ARHGEF1: variants seen among roughly 807,000 people sequenced by gnomAD.
ARHGEF1 encodes the protein 115 kDa guanine nucleotide exchange factor.
In ARHGEF1, 40 loss-of-function variants were observed where a neutral mutation model predicts 119.7. The ratio of observed to expected loss-of-function variants is 0.33; its 90% confidence interval spans 0.26 to 0.44. The LOEUF is 0.44. Ranked by LOEUF, ARHGEF1 falls within the 20% of genes least tolerant of loss-of-function variation. The pLI, the probability that ARHGEF1 is intolerant of heterozygous loss-of-function variation, is 1.00. For synonymous variants in ARHGEF1, 494 were observed against 521.0 expected (o/e 0.95, Z 0.71); for missense variants, 976 against 1,268.3 (o/e 0.77, Z 3.50).
At position 41,892,816 on chromosome 19, in the gene ARHGEF1, C is replaced by T. The variant is rs529943853; in HGVS notation, c.581C>T (p.Ala194Val). The T allele has an allele frequency of 9.5e-6, 15 of 1,579,898 alleles. No individual in the cohort carries two copies. Among genetic ancestry groups the T allele is most frequent in the African/African-American group, 2.7e-5 (2 of 74,630 alleles). Residue 194 changes from alanine to valine, a missense_variant, in exon 7 of 29, where the codon GCG (alanine) becomes GTG (valine). By Grantham distance (64) the Ala-to-Val change is moderately conservative. Coordinates refer to ENST00000354532, the MANE Select transcript of ARHGEF1 (RefSeq NM_004706.4). The surrounding 1 kb of genome is among the most constrained non-coding windows in gnomAD (Gnocchi z 6.3). The part of the protein sequence containing the change: ...ASYEARERHV[A>V]ERLLMHLEEM... ...TACGAGGCCCGGGAGCGGCACGTGG[C>T]GGAGCGGCTGCTCATGCACCTGGAG...
Position 41,906,169 on chromosome 19 carries a change from T to C in ARHGEF1, c.2491+144T>C. ...TCCAAACCCACCCAGCCTGCACCAC[T>C]GTCCTGGGTGCCCACGTCCCTCTTC... On this transcript the variant is annotated intron_variant, in intron 26 of 28. Coordinates refer to ENST00000354532, the MANE Select transcript of ARHGEF1 (RefSeq NM_004706.4). This position sits in a 1 kb window ranked among gnomAD's most constrained non-coding sequence, Gnocchi z 4.5. 1.3e-6 allele frequency: 1 copy of C among 774,278 alleles called. No homozygotes were observed. Among genetic ancestry groups the C allele is most frequent in the Non-Finnish European group, 2.1e-6 (1 of 478,134 alleles). The allele number at this position is 774,278 out of a possible 1,614,324, so 48.0% of individuals were successfully genotyped here. A position where few individuals can be genotyped will look rare whatever the true frequency, so the allele number is the denominator to read the frequency against.
At chr19:41,908,174 G>A, downstream of ARHGEF1, 1 of 1,218,512 alleles carries the variant, frequency 8.2e-7, no homozygotes. The surrounding 1 kb of genome is among the most constrained non-coding windows in gnomAD (Gnocchi z 6.7). Flanking sequence ...ATCAAGGGCA[G>A]ACGGGCAGCC....
chr19:41,892,479 GATTC>G lies in ARHGEF1; in HGVS notation c.367+115_368-112del. ...TCCCATGCTCTGCTCGGACAGCCGA[GATTC>G]ATTCATTCCTTCTTGGCAGCGGCCT... On this transcript the variant is annotated intron_variant, in intron 6 of 28. Transcript: ENST00000354532. This position sits in a 1 kb window ranked among gnomAD's most constrained non-coding sequence, Gnocchi z 6.3. 1 of 1,593,416 alleles carries G rather than the reference GATTC, an allele frequency of 6.3e-7. No homozygotes were observed.
intron 18 of ARHGEF1, among the ~76,000 whole-genome samples, chr19:41,918,023 A>G (rs2074812460): frequency 6.6e-6 from 1 of 151,828 alleles, no homozygotes; most frequent in Admixed American, 6.6e-5. Context: ...AGGCACCAGG[A>G]GACCCTGTGC....
Position 41,902,313 on chromosome 19 carries a change from G to C in ARHGEF1, c.1454G>C (p.Ser485Thr). ...CGCCTGATGAAGCGGAGGCAGGAGAGTGGCTACCTCATCGAGGAGATCGGA... is the reference window on the plus strand; with the variant it reads ...CGCCTGATGAAGCGGAGGCAGGAGACTGGCTACCTCATCGAGGAGATCGGA... The part of the protein sequence containing the change: ...LDRLMKRRQE[S>T]GYLIEEIGDV... The change falls in exon 16 of 29, where the codon AGT becomes ACT. Residue 485 changes from serine to threonine, a missense_variant. Physicochemically the swap from Ser to Thr is moderately conservative, Grantham distance 58. Transcript: ENST00000354532. This position sits in a 1 kb window ranked among gnomAD's most constrained non-coding sequence, Gnocchi z 6.5. 6.2e-7 allele frequency: 1 copy of C among 1,614,180 alleles called. No homozygotes were observed. Among genetic ancestry groups the C allele is most frequent in the Non-Finnish European group, 8.5e-7 (1 of 1,180,048 alleles).
At chr19:41,929,032 GAGAC>G in intron 2 of ARHGEF1, 2 of 395,326 alleles carry the variant, frequency 5.1e-6, no homozygotes, top group Non-Finnish European at 1.0e-5. Flanking sequence ...ACCCTACAGA[GAGAC>G]AGACACAGAC....
At chr19:41,897,840 G>A (rs782624327) in intron 13 of ARHGEF1, 29 of 1,184,258 alleles carry the variant, frequency 2.4e-5, no homozygotes, top group Middle Eastern at 3.1e-4. Flanking sequence ...GTCTCTCCCC[G>A]TCTCTGTCCC....
intron 13 of ARHGEF1, chr19:41,897,102 C>A: frequency 2.7e-6 from 1 of 367,794 alleles, no homozygotes; most frequent in Middle Eastern, 8.6e-4. Context: ...TGCCCCCCAC[C>A]CCCCGCCTCG....
chr19:41,923,096 C>CGGT (rs782479421), exon 1 of ARHGEF1: 10 of 455,422 alleles, frequency 2.2e-5, no homozygotes, highest in African/African-American at 2.0e-4. Flanking sequence ...CCTCAGCACC[C>CGGT]CATCCTCACC....
Position 41,897,299 on chromosome 19 carries a change from G to A in ARHGEF1, c.1121+817G>A, listed in dbSNP as rs782015807. On this transcript the variant is annotated intron_variant, in intron 13 of 28. Coordinates refer to ENST00000354532, the MANE Select transcript of ARHGEF1 (RefSeq NM_004706.4). ...CATCTGGGCCCACCTCTGACCCTGT[G>A]CCCCTCTCTCCCCAGAAGGTGGAAG... 6.3e-5 allele frequency: 80 copies of A among 1,277,210 alleles called. No homozygotes were observed. In the Middle Eastern group the frequency reaches 2.4e-3, roughly 38 times the overall value. 79.1% of individuals were successfully genotyped at this position (1,277,210 alleles called of 1,614,324 possible). A position where few individuals can be genotyped will look rare whatever the true frequency, so the allele number is the denominator to read the frequency against.
downstream of ARHGEF1, chr19:41,908,201 C>G (rs999059889): frequency 8.1e-7 from 1 of 1,231,452 alleles, no homozygotes; most frequent in Non-Finnish European, 1.0e-6. The surrounding 1 kb of genome is among the most constrained non-coding windows in gnomAD (Gnocchi z 6.7). Flanking sequence ...GTCCCTGCCT[C>G]AGCAGAATCC....
At chr19:41,925,984 G>A (rs1310668448) in intron 1 of ARHGEF1, among the ~76,000 whole-genome samples, 3 of 152,108 alleles carry the variant, frequency 2.0e-5, no homozygotes, top group Admixed American at 6.5e-5. Flanking sequence ...GAATGTGTGT[G>A]TGAGTGTGTG....
Position 41,883,959 on chromosome 19 carries a change from G to T in ARHGEF1, c.-20+670G>T, listed in dbSNP as rs567492252. 2.0e-5 allele frequency among the ~76,000 whole-genome samples: 3 copies of T among 152,284 alleles called. No homozygotes were observed. Among genetic ancestry groups the T allele is most frequent in the Admixed American group, 1.3e-4 (2 of 15,296 alleles). ...GCATGTCAGAGGGAAAGTTGTGCTGGAACTCAAGACTATTGCTTTTCCGGT... is the reference window on the plus strand; with the variant it reads ...GCATGTCAGAGGGAAAGTTGTGCTGTAACTCAAGACTATTGCTTTTCCGGT... On this transcript the variant is annotated intron_variant, in intron 1 of 28. Coordinates refer to ENST00000354532, the MANE Select transcript of ARHGEF1 (RefSeq NM_004706.4). The surrounding 1 kb of genome is among the most constrained non-coding windows in gnomAD (Gnocchi z 7.6).
Position 41,906,741 on chromosome 19 carries a change from G to A in ARHGEF1, c.2694G>A (p.Leu898=), listed in dbSNP as rs1555850333. 4.3e-6 allele frequency: 7 copies of A among 1,611,678 alleles called. No homozygotes were observed. Among genetic ancestry groups the A allele is most frequent in the Admixed American group, 1.7e-5 (1 of 59,536 alleles). The change falls in exon 28 of 29, where the codon CTG becomes CTA. Residue 898 remains leucine, a synonymous_variant. Transcript: ENST00000354532. The surrounding 1 kb of genome is among the most constrained non-coding windows in gnomAD (Gnocchi z 4.5). ...EEEFCRLRPL[L]SQLGGNSVPQ... The stretch of plus-strand genomic sequence containing the variant: ...AATTTTGCCGCCTGAGACCCCTCCT[G>A]TCTCAGCTTGGGGGGAACTCTGTCC...
Position 41,902,019 on chromosome 19 carries a change from T to C in ARHGEF1, c.1400T>C (p.Leu467Pro). 6.2e-7 allele frequency: 1 copy of C among 1,613,946 alleles called. No homozygotes were observed. The highest frequency in any genetic ancestry group is 8.5e-7 in the Non-Finnish European group (1 of 1,179,924). Residue 467 changes from leucine to proline, a missense_variant, in exon 15 of 29, where the codon CTC becomes CCC. Transcript: ENST00000354532. The surrounding 1 kb of genome is among the most constrained non-coding windows in gnomAD (Gnocchi z 6.5). Reference protein sequence around the residue: ...LQNIFPSLDELIEVHSLFLDR... With the variant: ...LQNIFPSLDEPIEVHSLFLDR... ...AACATCTTCCCCAGCCTGGACGAGC[T>C]CATCGAGGTGCATTGTGAGTGCAGA...
Position 41,892,051 on chromosome 19 carries a change from G to A in ARHGEF1, c.252G>A (p.Leu84=), listed in dbSNP as rs1555846278. 6.2e-6 allele frequency: 10 copies of A among 1,612,208 alleles called. No individual in the cohort carries two copies. The highest frequency in any genetic ancestry group is 7.6e-6 in the Non-Finnish European group (9 of 1,178,732). ...PLLCCLHADM[L]GSLGPKEAKK... ...TTTGCTGTCTGCATGCCGACATGCT[G>A]GGCTCACTGGGCCCCAAGGAGGCCA... The change falls in exon 5 of 29, where the codon CTG becomes CTA. Residue 84 remains leucine, a synonymous_variant. Coordinates refer to ENST00000354532, the MANE Select transcript of ARHGEF1 (RefSeq NM_004706.4). The surrounding 1 kb of genome is among the most constrained non-coding windows in gnomAD (Gnocchi z 6.3).
intron 18 of ARHGEF1, among the ~76,000 whole-genome samples, chr19:41,915,379 C>T (rs949851566): frequency 9.2e-5 from 14 of 151,734 alleles, no homozygotes; most frequent in East Asian, 6.0e-4. Flanking sequence ...CCTTGCCCAT[C>T]GCCTCTGCCG....
chr19:41,908,678 T>TG, downstream of ARHGEF1: 5 of 1,230,260 alleles, frequency 4.1e-6, no homozygotes, highest in Non-Finnish European at 5.1e-6. The surrounding 1 kb of genome is among the most constrained non-coding windows in gnomAD (Gnocchi z 6.7). Context: ...TGGTGGCACC[T>TG]GGGGGGCACA....
In ARHGEF1 at chr19:41,902,430, C is replaced by A; in HGVS notation, c.1497+74C>A. 6.2e-7 allele frequency: 1 copy of A among 1,611,432 alleles called. No individual in the cohort carries two copies. The stretch of plus-strand genomic sequence containing the variant: ...AGGCCCGGGACGGGTCCTGAGCCCA[C>A]CCTACTCCAGTCCCAGGGTCTGGGC... On this transcript the variant is annotated intron_variant, in intron 16 of 28. Transcript: ENST00000354532. The surrounding 1 kb of genome is among the most constrained non-coding windows in gnomAD (Gnocchi z 6.5).
Sources: gnomAD v4.1 joint callset for allele counts (sites outside exome capture counted in the v4.1 genomes callset) on GRCh38, gnomAD v4.1.1 for gene constraint, Gnocchi (gnomAD v3.1) non-coding constraint, MANE v1.5 for transcripts, NCBI Gene and HGNC (gene_info 2026-07-23, HGNC 2026-07-21) for gene names.